Variants in GRM7 observed in about 807,000 individuals in gnomAD.
GRM7 encodes glutamate metabotropic receptor 7, also known as metabotropic glutamate receptor 7.
Under a neutral mutation model 84.5 loss-of-function variants are expected in GRM7, and 35 were observed. That is an observed-to-expected ratio of 0.41 (90% CI 0.32 to 0.55). The LOEUF is 0.55. Ranked by LOEUF, GRM7 falls within the 20% of genes least tolerant of loss-of-function variation. The pLI, the probability that GRM7 is intolerant of heterozygous loss-of-function variation, is 0.19. For synonymous variants in GRM7, 487 were observed against 455.1 expected (o/e 1.07, Z -0.89); for missense variants, 1,003 against 1,194.6 (o/e 0.84, Z 2.36).
chr3:7,644,070 T>A (rs13099623), intron 8 of GRM7, among the ~76,000 whole-genome samples: 128,818 of 147,972 alleles, frequency 0.87, 56,251 homozygotes, highest in African/African-American at 0.93. Context: ...TTATATATAC[T>A]TATATATTTA....
intron 7 of GRM7, among the ~76,000 whole-genome samples, chr3:7,468,825 C>CAA (rs1023079692): frequency 2.6e-5 from 4 of 152,136 alleles, no homozygotes; most frequent in Admixed American, 2.0e-4. Flanking sequence ...TGCCACCATA[C>CAA]AAAGAAGGTC....
At chr3:7,241,343 G>A (rs1340778059) in intron 2 of GRM7, among the ~76,000 whole-genome samples, 7 of 151,898 alleles carry the variant, frequency 4.6e-5, no homozygotes, top group African/African-American at 1.2e-4. Context: ...CATCATCCTC[G>A]TTAATGCTAT....
intron 2 of GRM7, among the ~76,000 whole-genome samples, chr3:7,193,732 G>A (rs1178163138): frequency 2.0e-5 from 3 of 151,764 alleles, no homozygotes; most frequent in Non-Finnish European, 2.9e-5. Flanking sequence ...ACAGATATTA[G>A]GGTGATTTAT....
At chr3:7,405,641 G>T (rs1055941546) in intron 4 of GRM7, among the ~76,000 whole-genome samples, 3 of 152,132 alleles carry the variant, frequency 2.0e-5, no homozygotes, top group African/African-American at 7.2e-5. Context: ...TTATCTTGGA[G>T]AACGGCTCTT....
rs373595184 is a variant in GRM7 at position 7,491,076 on chromosome 3, A to G, written c.1515+29354A>G. ...CAAAATTAATCATGTATACAAATAA[A>G]AACATTTCTATAATATAATAATAAA... On this transcript the variant is annotated intron_variant, in intron 7 of 9. Coordinates refer to ENST00000357716, the MANE Select transcript of GRM7 (RefSeq NM_000844.4). 9.0e-4 allele frequency among the ~76,000 whole-genome samples: 137 copies of G among 152,146 alleles called. 2 individuals are homozygous for G. In the South Asian group the frequency reaches 0.024, roughly 26 times the overall value.
intron 1 of GRM7, among the ~76,000 whole-genome samples, chr3:7,140,373 A>G (rs1403818189): frequency 6.6e-6 from 1 of 151,836 alleles, no homozygotes; most frequent in Non-Finnish European, 1.5e-5. Context: ...AAAGGAAGGG[A>G]AAAAAATGAA....
chr3:7,292,864 T>C (rs1187929187), intron 2 of GRM7, among the ~76,000 whole-genome samples: 1 of 151,580 alleles, frequency 6.6e-6, no homozygotes, highest in Non-Finnish European at 1.5e-5. Context: ...AAACCCCCCA[T>C]CTCTACTAAA....
chr3:6,931,549 C>T (rs1697500638), intron 1 of GRM7, among the ~76,000 whole-genome samples: 1 of 152,192 alleles, frequency 6.6e-6, no homozygotes, highest in Non-Finnish European at 1.5e-5. Context: ...TCTGTTCCCT[C>T]AGACTGGATG....
chr3:6,912,863 T>A (rs1467288799), intron 1 of GRM7, among the ~76,000 whole-genome samples: 1 of 152,038 alleles, frequency 6.6e-6, no homozygotes, highest in Non-Finnish European at 1.5e-5. Flanking sequence ...ATTAAGTGAA[T>A]AAAACCACAT....
At chr3:6,871,460 T>C (rs972769040) in intron 1 of GRM7, among the ~76,000 whole-genome samples, 1 of 152,104 alleles carries the variant, frequency 6.6e-6, no homozygotes, top group East Asian at 1.9e-4. Flanking sequence ...TATCTTAAAA[T>C]ATGCCTATGC....
intron 4 of GRM7, among the ~76,000 whole-genome samples, chr3:7,342,078 A>C (rs561192891): frequency 6.6e-6 from 1 of 152,256 alleles, no homozygotes; most frequent in South Asian, 2.1e-4. Context: ...ATTCATGTGC[A>C]CCATTCTCTA....
chr3:7,439,313 G>T (rs1462315374), intron 5 of GRM7, among the ~76,000 whole-genome samples: 1 of 152,150 alleles, frequency 6.6e-6, no homozygotes, highest in Non-Finnish European at 1.5e-5. Flanking sequence ...TTTACTGTCT[G>T]GAATCAAAGA....
chr3:7,447,318 G>A, intron 5 of GRM7, among the ~76,000 whole-genome samples: 1 of 152,154 alleles, frequency 6.6e-6, no homozygotes, highest in Admixed American at 6.5e-5. Context: ...AAGCTATGTT[G>A]TTGAAAATAT....
rs1261366881 is a variant in GRM7, at chr3:7,358,394, C to T, written c.1033+51742C>T. ...CCATAGTCATTTGACAAATAACAAA[C>T]ATTCATAAAAGTTGACAAAATTAAA... On this transcript the variant is annotated intron_variant, in intron 4 of 9. Coordinates refer to ENST00000357716, the MANE Select transcript of GRM7 (RefSeq NM_000844.4). Among the ~76,000 whole-genome samples the T allele has an allele frequency of 1.6e-5, 2 of 124,976 alleles. 1 individual carries two copies. Among genetic ancestry groups the T allele is most frequent in the Non-Finnish European group, 3.4e-5 (2 of 59,186 alleles). The allele number at this position is 124,976 out of a possible 152,430, so 82.0% of individuals were successfully genotyped here.
intron 1 of GRM7, among the ~76,000 whole-genome samples, chr3:6,901,781 G>T (rs1445810036): frequency 2.0e-5 from 3 of 151,424 alleles, no homozygotes; most frequent in Non-Finnish European, 2.9e-5. Context: ...TAGTATTTTT[G>T]TTATTTTTAA....
chr3:7,416,994 G>C (rs1559307532), intron 5 of GRM7, among the ~76,000 whole-genome samples: 1 of 152,060 alleles, frequency 6.6e-6, no homozygotes, highest in African/African-American at 2.4e-5. Flanking sequence ...CGTTAGGATT[G>C]TCCCACTCTG....
At chr3:7,099,772 C>T (rs1259878484) in intron 1 of GRM7, among the ~76,000 whole-genome samples, 1 of 82,110 alleles carries the variant, frequency 1.2e-5, no homozygotes, top group Admixed American at 1.2e-4. Flanking sequence ...TATATGTACA[C>T]GCATTATACA....
chr3:7,010,083 G>A (rs1695316382), intron 1 of GRM7, among the ~76,000 whole-genome samples: 1 of 152,154 alleles, frequency 6.6e-6, no homozygotes, highest in Admixed American at 6.5e-5. Flanking sequence ...TTACAGCTAA[G>A]GAGCAGGGTG....
chr3:7,479,278 A>C (rs1300970459), intron 7 of GRM7, among the ~76,000 whole-genome samples: 1 of 152,068 alleles, frequency 6.6e-6, no homozygotes, highest in African/African-American at 2.4e-5. Context: ...AAAAGCCTCA[A>C]AATGGTGGTG....
Sources: gnomAD v4.1 joint callset for allele counts (sites outside exome capture counted in the v4.1 genomes callset) on GRCh38, gnomAD v4.1.1 for gene constraint, MANE v1.5 for transcripts, NCBI Gene and HGNC (gene_info 2026-07-23, HGNC 2026-07-21) for gene names.